Variants in TCF12 observed in about 807,000 individuals in gnomAD.
The protein encoded by TCF12 is DNA-binding protein HTF4.
A neutral mutation model predicts 86.0 loss-of-function variants in TCF12; 45 were observed. That is an observed-to-expected ratio of 0.52 (90% CI 0.41 to 0.67). The LOEUF (loss-of-function observed/expected upper bound fraction) is 0.67, where lower values mean the gene tolerates loss of function less well. TCF12 is among the 30% of genes least tolerant of loss of function. TCF12 has a pLI of 0.00. For missense variants in TCF12, 881 were observed against 859.9 expected, an observed-to-expected ratio of 1.02 and a Z score of -0.31; for synonymous variants, 330 against 299.6, an observed-to-expected ratio of 1.10 and a Z score of -1.05.
chr15:57,149,642 C>G (rs982474451), intron 5 of TCF12, among the ~76,000 whole-genome samples: 26 of 152,024 alleles, frequency 1.7e-4, no homozygotes, highest in African/African-American at 6.3e-4. Context: ...TTTATCAAAC[C>G]CATTATCTAT....
In TCF12 at chr15:57,252,426, T is replaced by C. The variant is rs1479696410; in HGVS notation, c.1194T>C (p.Asn398=). 12 of 1,613,740 alleles carry C rather than the reference T, an allele frequency of 7.4e-6. No individual in the cohort carries two copies. The highest frequency in any genetic ancestry group is 1.0e-5 in the Non-Finnish European group (12 of 1,179,842). The part of the protein sequence containing the change: ...SYENSLHSLK[N]RVEQQLHEHL... ...TTCTGTCTTGACTTTGCCAGAAAAATCGAGTTGAGCAGCAACTTCACGAGC... is the reference window on the plus strand; with the variant it reads ...TTCTGTCTTGACTTTGCCAGAAAAACCGAGTTGAGCAGCAACTTCACGAGC... Residue 398 remains asparagine (N), a synonymous_variant, in exon 15 of 21, where the codon AAT becomes AAC. Transcript: ENST00000333725.
At chr15:56,982,632 A>G (rs2062950083) in intron 3 of TCF12, among the ~76,000 whole-genome samples, 1 of 152,210 alleles carries the variant, frequency 6.6e-6, no homozygotes, top group Non-Finnish European at 1.5e-5. Flanking sequence ...GAAAAAAATT[A>G]AATTTGTACC....
chr15:57,110,979 A>T (rs2050449711), intron 5 of TCF12, among the ~76,000 whole-genome samples: 1 of 152,230 alleles, frequency 6.6e-6, no homozygotes, highest in South Asian at 2.1e-4. Context: ...ACAGAAATGT[A>T]GAATTCCAGT....
intron 3 of TCF12, among the ~76,000 whole-genome samples, chr15:57,020,263 T>C (rs1054865517): frequency 1.3e-5 from 2 of 152,342 alleles, no homozygotes; most frequent in South Asian, 4.1e-4. Context: ...GTGAACCTGC[T>C]AATAATTGGG....
At chr15:57,236,446 A>G (rs2151943142) in intron 12 of TCF12, among the ~76,000 whole-genome samples, 1 of 152,278 alleles carries the variant, frequency 6.6e-6, no homozygotes. Context: ...AGATATTTTG[A>G]AATGGTGACT....
At chr15:57,175,936 G>A (rs1445823967) in intron 6 of TCF12, among the ~76,000 whole-genome samples, 3 of 150,276 alleles carry the variant, frequency 2.0e-5, no homozygotes, top group African/African-American at 7.6e-5. Context: ...ATTAAACCTT[G>A]GTAGATAAAT....
chr15:57,168,070 G>A lies in TCF12; in HGVS notation c.390+1604G>A, dbSNP rs1597003044. Among the ~76,000 whole-genome samples the A allele has an allele frequency of 3.3e-5, 5 of 152,216 alleles. No homozygotes were observed. The South Asian group carries it at 1.0e-3, about 32-fold the overall frequency. ...TTTATACTTGTAGTCCCAGCTACTT[G>A]GAAAGCCAAAGCAGAAGGATCACTT... On this transcript the variant is annotated intron_variant, in intron 6 of 20. Transcript: ENST00000333725.
At chr15:57,206,127 A>G (rs1184052725) in intron 8 of TCF12, among the ~76,000 whole-genome samples, 1 of 152,222 alleles carries the variant, frequency 6.6e-6, no homozygotes, top group Non-Finnish European at 1.5e-5. Context: ...TAAAGGCTAT[A>G]TGGTTGAATT....
intron 12 of TCF12, among the ~76,000 whole-genome samples, chr15:57,237,960 A>G (rs112366855): frequency 8.8e-4 from 134 of 152,182 alleles, no homozygotes; most frequent in Non-Finnish European, 1.6e-3. Context: ...TTTTTATGAA[A>G]GTAAAAGTGA....
intron 3 of TCF12, among the ~76,000 whole-genome samples, chr15:56,941,300 A>G (rs190039): frequency 0.25 from 38,486 of 151,850 alleles, 5,064 homozygotes; most frequent in East Asian, 0.47. Context: ...CAGGAAAATC[A>G]AGGCTGCAGC....
At chr15:57,077,325 ATATGTGTGTG>A (rs1386513272) in intron 4 of TCF12, among the ~76,000 whole-genome samples, 18,502 of 127,134 alleles carry the variant, frequency 0.15, 2,759 homozygotes, top group Middle Eastern at 0.21. Flanking sequence ...ATATGTATAT[ATATGTGTGTG>A]TGTGTGTGTG....
At chr15:56,966,341 G>A (rs2062001957) in intron 3 of TCF12, among the ~76,000 whole-genome samples, 1 of 152,242 alleles carries the variant, frequency 6.6e-6, no homozygotes, top group African/African-American at 2.4e-5. Flanking sequence ...CCTAGGTTTT[G>A]CCATTACTTT....
chr15:57,073,531 A>C (rs2151011068), intron 4 of TCF12, among the ~76,000 whole-genome samples: 1 of 152,344 alleles, frequency 6.6e-6, no homozygotes, highest in East Asian at 1.9e-4. Flanking sequence ...CCAAGAAGCC[A>C]TTTTTAAAAT....
intron 11 of TCF12, 42 bp downstream of exon 11, chr15:57,232,898 A>G (rs765308381): frequency 6.9e-7 from 1 of 1,458,636 alleles, no homozygotes; most frequent in Non-Finnish European, 9.1e-7. Context: ...AAGTTTGTGG[A>G]CTTTCAGTGA....
intron 6 of TCF12, among the ~76,000 whole-genome samples, chr15:57,174,477 A>G (rs577756064): frequency 6.6e-6 from 1 of 152,354 alleles, no homozygotes; most frequent in South Asian, 2.1e-4. Context: ...GAAAGACTAA[A>G]TGCTTCCCAC....
intron 7 of TCF12, among the ~76,000 whole-genome samples, chr15:57,192,716 T>G (rs1375882390): frequency 6.6e-6 from 1 of 152,222 alleles, no homozygotes; most frequent in Non-Finnish European, 1.5e-5. Flanking sequence ...AGAAGAGAGT[T>G]GGATTCGTGG....
intron 3 of TCF12, among the ~76,000 whole-genome samples, chr15:57,044,857 A>G (rs1406953184): frequency 3.3e-5 from 5 of 152,154 alleles, no homozygotes; most frequent in African/African-American, 1.2e-4. Flanking sequence ...ACATTTTGGG[A>G]GAAAACCTCT....
intron 3 of TCF12, among the ~76,000 whole-genome samples, chr15:56,980,144 A>AT (rs1156898545): frequency 6.6e-6 from 1 of 152,136 alleles, no homozygotes; most frequent in Non-Finnish European, 1.5e-5. Flanking sequence ...CGATTTCTTG[A>AT]GGCCAGGAGT....
At chr15:57,046,098 C>T (rs1826062245) in intron 3 of TCF12, among the ~76,000 whole-genome samples, 1 of 152,204 alleles carries the variant, frequency 6.6e-6, no homozygotes, top group Admixed American at 6.5e-5. Context: ...GAGAATTTAA[C>T]TGTGTGACAG....
Sources: allele counts gnomAD v4.1 joint callset (sites outside exome capture counted in the v4.1 genomes callset), GRCh38; gene constraint gnomAD v4.1.1; transcripts MANE v1.5; gene names NCBI Gene and HGNC (gene_info 2026-07-23, HGNC 2026-07-21).